The following MLYCD variants were observed in gnomAD, a reference collection of about 807,000 sequenced individuals.
MLYCD encodes the protein malonyl-CoA decarboxylase, mitochondrial.
A neutral mutation model predicts 35.8 loss-of-function variants in MLYCD; 27 were observed. The ratio of observed to expected loss-of-function variants is 0.75; its 90% CI spans 0.56 to 1.04. MLYCD has a LOEUF of 1.04. MLYCD is among the 50% of genes least tolerant of loss of function. The pLI is 0.00. For missense variants in MLYCD, 917 were observed against 665.1 expected, an observed-to-expected ratio of 1.38 and a Z score of -4.17; for synonymous variants, 403 against 302.4, an observed-to-expected ratio of 1.33 and a Z score of -3.45.
intron 4 of MLYCD, 106 bp from the exon 5 acceptor site, chr16:83,914,850 A>C (rs1330916615): frequency 6.7e-7 from 1 of 1,492,744 alleles, no homozygotes; most frequent in African/African-American, 1.4e-5. Flanking sequence ...TGACCGCTAC[A>C]CAGCAGCATG....
At chr16:83,905,130 G>A (rs1261779087) in intron 1 of MLYCD, among the ~76,000 whole-genome samples, 1 of 152,076 alleles carries the variant, frequency 6.6e-6, no homozygotes, top group Non-Finnish European at 1.5e-5. Context: ...AGCTGAGACA[G>A]GAGAATCGCT....
intron 1 of MLYCD, among the ~76,000 whole-genome samples, chr16:83,903,647 A>G (rs904917261): frequency 3.3e-5 from 5 of 152,224 alleles, no homozygotes; most frequent in African/African-American, 1.2e-4. Flanking sequence ...TGGAATTAAC[A>G]ATACACAATA....
In MLYCD at chr16:83,919,383, GTGCACAGGAGAA is replaced by G. The variant is rs1249698710; in HGVS notation, c.*3895_*3906del. The G allele has an allele frequency of 1.4e-5, 2 of 147,276 alleles. No homozygotes were observed. Among genetic ancestry groups the G allele is most frequent in the Non-Finnish European group, 3.0e-5 (2 of 67,456 alleles). 9.1% of individuals were successfully genotyped at this position (147,276 alleles called of 1,614,324 possible). On this transcript the variant is annotated 3_prime_UTR_variant, in exon 5 of 5. Transcript: ENST00000262430. ...CACACACAGTGCACAGGAGAACACA[GTGCACAGGAGAA>G]CACACACTGCACAGAACAAATGCAC...
chr16:83,912,378 CGCAG>C lies in MLYCD; in HGVS notation c.948+13_948+16del, dbSNP rs1907212163. The C allele has an allele frequency of 6.2e-7, 1 of 1,613,890 alleles. No homozygotes were observed. Among genetic ancestry groups the C allele is most frequent in the African/African-American group, 1.3e-5 (1 of 74,892 alleles). On this transcript the variant is annotated intron_variant, in intron 4 of 4. Transcript: ENST00000262430. The stretch of plus-strand genomic sequence containing the variant: ...GTCAAGGAGTTGCAGGTAAGCGACA[CGCAG>C]GGAGCCCCGGTCACGCTTGGCTTCC...
At chr16:83,902,155 GTATATATATATATATATA>G (rs386385269) in intron 1 of MLYCD, among the ~76,000 whole-genome samples, 5 of 87,330 alleles carry the variant, frequency 5.7e-5, no homozygotes, top group African/African-American at 1.8e-4. Context: ...GTGTGCGTGC[GTATATATATATATATATA>G]TATATATATA....
At position 83,925,906 on chromosome 16, in the gene MLYCD, G is replaced by A. The variant is rs551498186; in HGVS notation, c.*10417G>A. The A allele has an allele frequency of 1.3e-5, 2 of 152,544 alleles. No homozygotes were observed. Among genetic ancestry groups the A allele is most frequent in the South Asian group, 4.1e-4 (2 of 4,828 alleles). The allele number at this position is 152,544 out of a possible 1,614,324, so 9.4% of individuals were successfully genotyped here. On this transcript the variant is annotated 3_prime_UTR_variant, in exon 5 of 5. Coordinates refer to ENST00000262430, the MANE Select transcript of MLYCD (RefSeq NM_012213.3). ...TTCTCACTGGGGCCTCTCCTTCCTG[G>A]TAGCTTCTAAACAAGGCAGTTTCAT... is the stretch of plus-strand genomic sequence containing the variant.
chr16:83,903,359 T>C (rs887932233), intron 1 of MLYCD, among the ~76,000 whole-genome samples: 1 of 152,210 alleles, frequency 6.6e-6, no homozygotes, highest in Non-Finnish European at 1.5e-5. Flanking sequence ...ATAATACTTA[T>C]TTTTAGATAG....
At chr16:83,910,367 C>T (rs552407036) in intron 3 of MLYCD, among the ~76,000 whole-genome samples, 1 of 151,996 alleles carries the variant, frequency 6.6e-6, no homozygotes, top group Non-Finnish European at 1.5e-5. Context: ...CATAAGGAAT[C>T]ACAAGATAAT....
chr16:83,907,711 A>C (rs1907030986), intron 2 of MLYCD, among the ~76,000 whole-genome samples: 2 of 152,220 alleles, frequency 1.3e-5, no homozygotes, highest in Admixed American at 6.5e-5. Context: ...TCACATGCTG[A>C]AAACAAAATA....
At chr16:83,902,239 G>A (rs1269544524) in intron 1 of MLYCD, among the ~76,000 whole-genome samples, 1 of 129,816 alleles carries the variant, frequency 7.7e-6, no homozygotes, top group East Asian at 2.2e-4. Flanking sequence ...TTATTTTTTT[G>A]TTCATGTTTA....
In MLYCD at chr16:83,916,488, CTG is replaced by C. The variant is rs1294691056; in HGVS notation, c.*1005_*1006del. On this transcript the variant is annotated 3_prime_UTR_variant, in exon 5 of 5. Coordinates refer to ENST00000262430, the MANE Select transcript of MLYCD (RefSeq NM_012213.3). ...TCTGTGTGCGTGTGCACGAGCGTCT[CTG>C]TGTGTATCAGTGCATGTCTGTGTAC... is the stretch of plus-strand genomic sequence containing the variant. 5.6e-5 allele frequency: 8 copies of C among 143,040 alleles called. No homozygotes were observed. The highest frequency in any genetic ancestry group is 2.9e-4 in the Admixed American group (4 of 13,930). The allele number at this position is 143,040 out of a possible 1,614,324, so 8.9% of individuals were successfully genotyped here. A position where few individuals can be genotyped will look rare whatever the true frequency, so the allele number is the denominator to read the frequency against.
chr16:83,915,415 G>A lies in MLYCD; in HGVS notation c.1408G>A (p.Gly470Ser), dbSNP rs142671250. The A allele has an allele frequency of 6.2e-6, 10 of 1,613,770 alleles. No homozygotes were observed. The highest frequency in any genetic ancestry group is 4.5e-5 in the East Asian group (2 of 44,888). Residue 470 changes from glycine to serine, a missense_variant, in exon 5 of 5, where the codon GGC (glycine) becomes AGC (serine). Physicochemically the swap from Gly to Ser is moderately conservative, Grantham distance 56 (BLOSUM62 0). Coordinates refer to ENST00000262430, the MANE Select transcript of MLYCD (RefSeq NM_012213.3). The stretch of plus-strand genomic sequence containing the variant: ...GGGCCCCAACAGCACCTCCTACCTC[G>A]GCTCCAAGATCATCAAAGCCTCTGA... ...ETGPNSTSYLGSKIIKASEQV... is the reference protein window; with the variant it reads ...ETGPNSTSYLSSKIIKASEQV...
intron 3 of MLYCD, among the ~76,000 whole-genome samples, chr16:83,910,709 A>C (rs1415807679): frequency 6.6e-6 from 1 of 151,136 alleles, no homozygotes; most frequent in Non-Finnish European, 1.5e-5. Flanking sequence ...AAAAAAAAAG[A>C]AAGGAGATAA....
intron 1 of MLYCD, 50 bp downstream of exon 1, chr16:83,899,722 C>G (rs756565337): frequency 1.4e-6 from 2 of 1,474,218 alleles, no homozygotes; most frequent in Non-Finnish European, 1.8e-6. Context: ...CCGCCCTCCT[C>G]GAGTAGTCCT....
chr16:83,908,212 G>GTTC lies in MLYCD; in HGVS notation c.729_731dup (p.Ser244dup), dbSNP rs1292200800. Reference sequence around the variant, plus strand: ...AGAAGGTGTTACTTCTTTTCTCACTGTTCGACCCCTGGGGAGCCCCTGGTC... The same window carrying GTTC: ...AGAAGGTGTTACTTCTTTTCTCACTGTTCTTCGACCCCTGGGGAGCCCCTGGTC... On this transcript the variant is annotated inframe_insertion, in exon 3 of 5. Transcript: ENST00000262430. 9 of 1,614,218 alleles carry GTTC rather than the reference G, an allele frequency of 5.6e-6. No individual in the cohort carries two copies. The highest frequency in any genetic ancestry group is 7.6e-6 in the Non-Finnish European group (9 of 1,180,032).
Position 83,915,077 on chromosome 16 carries a change from A to G in MLYCD, c.1070A>G (p.Asp357Gly), listed in dbSNP as rs577969223. Residue 357 changes from aspartate (D) to glycine (G), a missense_variant, in exon 5 of 5, where the codon GAT becomes GGT. Physicochemically the swap from Asp to Gly is moderately conservative, Grantham distance 94. Transcript: ENST00000262430. ...KEHGRNELFTDSECKEISEIT... is the reference protein window; with the variant it reads ...KEHGRNELFTGSECKEISEIT... ...CATGGGAGGAATGAACTCTTTACAG[A>G]TTCGGAATGTAAGGAAATCTCGGAG... 6.2e-6 allele frequency: 10 copies of G among 1,614,244 alleles called. No individual in the cohort carries two copies. In the African/African-American group the frequency reaches 1.2e-4, roughly 19 times the overall value.
rs929049688 is a variant in MLYCD, at chr16:83,916,314, G to C, written c.*825G>C. On this transcript the variant is annotated 3_prime_UTR_variant, in exon 5 of 5. Coordinates refer to ENST00000262430, the MANE Select transcript of MLYCD (RefSeq NM_012213.3). ...TGGATGAGAACAAAGGTGAAGGAAG[G>C]GGCAGTCATTGTGCTTGTGGGAGGA... The C allele has an allele frequency of 2.1e-6, 1 of 487,194 alleles. No individual in the cohort carries two copies. Among genetic ancestry groups the C allele is most frequent in the Non-Finnish European group, 2.7e-6 (1 of 373,246 alleles). The allele number at this position is 487,194 out of a possible 1,614,324, so 30.2% of individuals were successfully genotyped here.
rs1357714091 is a variant in MLYCD, at chr16:83,916,224, C to T, written c.*735C>T. 6 of 987,094 alleles carry T rather than the reference C, an allele frequency of 6.1e-6. No homozygotes were observed. Among genetic ancestry groups the T allele is most frequent in the Admixed American group, 1.2e-4 (2 of 16,288 alleles). 61.1% of individuals were successfully genotyped at this position (987,094 alleles called of 1,614,324 possible). The stretch of plus-strand genomic sequence containing the variant: ...GGTGGTCGTCTTTAAGATTAGAGAC[C>T]TGGGAAGGCTGGAATCAGCCAGCCA... On this transcript the variant is annotated 3_prime_UTR_variant, in exon 5 of 5. Transcript: ENST00000262430.
Position 83,921,991 on chromosome 16 carries a change from C to G in MLYCD, c.*6502C>G, listed in dbSNP as rs1388174684. 1 of 141,366 alleles carries G rather than the reference C, an allele frequency of 7.1e-6. No homozygotes were observed. The highest frequency in any genetic ancestry group is 1.6e-5 in the Non-Finnish European group (1 of 62,806). 8.8% of individuals were successfully genotyped at this position (141,366 alleles called of 1,614,324 possible). On this transcript the variant is annotated 3_prime_UTR_variant, in exon 5 of 5. Transcript: ENST00000262430. Reference sequence around the variant, plus strand: ...GGGCTCAGTCTCACAGACCTGGTTTCCATCCCACTTGCTCTCAGGAACCCT... The same window carrying G: ...GGGCTCAGTCTCACAGACCTGGTTTGCATCCCACTTGCTCTCAGGAACCCT...
Sources: allele counts gnomAD v4.1 joint callset (sites outside exome capture counted in the v4.1 genomes callset), GRCh38; gene constraint gnomAD v4.1.1; transcripts MANE v1.5; gene names NCBI Gene and HGNC (gene_info 2026-07-23, HGNC 2026-07-21).